B4GALNT3: variants seen among roughly 807,000 people sequenced by gnomAD.
B4GALNT3 encodes the protein beta-1,4-N-acetyl-galactosaminyltransferase 3.
B4GALNT3 carries 86 observed loss-of-function variants against 120.2 expected under a neutral mutation model. The ratio of observed to expected loss-of-function variants is 0.72; its 90% CI spans 0.60 to 0.86. The LOEUF (loss-of-function observed/expected upper bound fraction) is 0.86. Among genes scored for constraint, B4GALNT3 ranks in the 40% least tolerant of loss-of-function variants. The pLI is 0.00. For synonymous variants in B4GALNT3, 518 were observed against 510.4 expected (o/e 1.01, Z -0.20); for missense variants, 1,167 against 1,298.9 (o/e 0.90, Z 1.56).
At chr12:543,169 C>T in intron 3 of B4GALNT3, 5 of 1,289,614 alleles carry the variant, frequency 3.9e-6, no homozygotes, top group Non-Finnish European at 5.1e-6. Flanking sequence ...CAGACCTTGT[C>T]CCCAAGGCCA....
intron 1 of B4GALNT3, among the ~76,000 whole-genome samples, chr12:521,649 G>A (rs767941951): frequency 1.6e-4 from 24 of 152,252 alleles, no homozygotes; most frequent in Middle Eastern, 3.4e-3. Context: ...CCCGGTATGC[G>A]GCTTGCTCAC....
chr12:538,236 CAAAA>C (rs1946880933), intron 3 of B4GALNT3, among the ~76,000 whole-genome samples: 1 of 151,956 alleles, frequency 6.6e-6, no homozygotes, highest in African/African-American at 2.4e-5. Flanking sequence ...TATAATGAAA[CAAAA>C]ACAGTGAACA....
intron 3 of B4GALNT3, among the ~76,000 whole-genome samples, chr12:538,923 G>T (rs1301807202): frequency 2.6e-5 from 4 of 152,214 alleles, no homozygotes; most frequent in Non-Finnish European, 5.9e-5. Context: ...CGTTTATTGA[G>T]CATCTACTAC....
In B4GALNT3 at chr12:460,731, C is replaced by G. The variant is rs1252684689; in HGVS notation, c.169+186C>G. On this transcript the variant is annotated intron_variant, in intron 1 of 19. Transcript: ENST00000266383. This position sits in a 1 kb window ranked among gnomAD's most constrained non-coding sequence, Gnocchi z 8.0. ...GGGCGGGGGAAGCCGCGGGGCCGAG[C>G]GCAGAATTCCCGAGCCCGGGCCTGC... 6.6e-6 allele frequency among the ~76,000 whole-genome samples: 1 copy of G among 152,130 alleles called. No homozygotes were observed. The highest frequency in any genetic ancestry group is 2.4e-5 in the African/African-American group (1 of 41,440).
At chr12:511,292 G>GACCCTCC (rs1946548879) in intron 1 of B4GALNT3, among the ~76,000 whole-genome samples, 1 of 32,212 alleles carries the variant, frequency 3.1e-5, no homozygotes, top group Non-Finnish European at 5.2e-5. Context: ...TTCCACCTTC[G>GACCCTCC]ACCTTCCACC....
At chr12:531,591 A>G (rs147120736) in intron 1 of B4GALNT3, among the ~76,000 whole-genome samples, 238 of 152,298 alleles carry the variant, frequency 1.6e-3, no homozygotes, top group Middle Eastern at 0.01. Flanking sequence ...TCAAGGCTTC[A>G]GTAAGCTATG....
rs1947105924 is a variant in B4GALNT3, at chr12:553,294, G to T, written c.1371G>T (p.Gln457His). 3 of 1,613,582 alleles carry T rather than the reference G, an allele frequency of 1.9e-6. No homozygotes were observed. In the East Asian group the frequency reaches 6.7e-5, roughly 36 times the overall value. Reference sequence around the variant, plus strand: ...ATGCCAGGATGCTTGAGGGAAGACAGACACCTGCCTCCACCCTGGAGCAAG... The same window carrying T: ...ATGCCAGGATGCTTGAGGGAAGACATACACCTGCCTCCACCCTGGAGCAAG... ...NQNARMLEGR[Q>H]TPASTLEQDA... The change falls in exon 14 of 20, where the codon CAG (glutamine) becomes CAT (histidine). Residue 457 changes from glutamine (Q) to histidine (H), a missense_variant. Gln to His is a conservative substitution (Grantham distance 24). Coordinates refer to ENST00000266383, the MANE Select transcript of B4GALNT3 (RefSeq NM_173593.4).
intron 1 of B4GALNT3, among the ~76,000 whole-genome samples, chr12:531,807 A>G (rs1219835536): frequency 6.6e-6 from 1 of 152,196 alleles, no homozygotes; most frequent in Non-Finnish European, 1.5e-5. Flanking sequence ...ACCCCACGCT[A>G]GGTCTGGCCC....
intron 1 of B4GALNT3, among the ~76,000 whole-genome samples, chr12:475,939 C>T (rs375358893): frequency 1.7e-4 from 26 of 152,148 alleles, no homozygotes; most frequent in African/African-American, 3.1e-4. Context: ...TCGCTGTGCC[C>T]GTGTTTCCTC....
chr12:557,102 A>G (rs565459521), intron 15 of B4GALNT3, among the ~76,000 whole-genome samples: 2 of 152,246 alleles, frequency 1.3e-5, no homozygotes. Flanking sequence ...CTTTCGTACT[A>G]GGTTTCAGGA....
chr12:543,046 C>T (rs780242717), intron 3 of B4GALNT3: 4 of 1,202,926 alleles, frequency 3.3e-6, no homozygotes, highest in Non-Finnish European at 3.3e-6. Context: ...GTTCCCTGTC[C>T]TCTCAGCTAT....
intron 1 of B4GALNT3, among the ~76,000 whole-genome samples, chr12:476,344 G>T (rs1192649549): frequency 1.3e-5 from 2 of 152,196 alleles, no homozygotes; most frequent in African/African-American, 4.8e-5. Context: ...AGTGCTTTTA[G>T]AGGTTAGAGG....
intron 1 of B4GALNT3, among the ~76,000 whole-genome samples, chr12:483,622 C>A (rs142291968): frequency 1.3e-5 from 2 of 152,090 alleles, no homozygotes; most frequent in African/African-American, 4.8e-5. Flanking sequence ...CGTTTGAGCC[C>A]GGGAGGCAGA....
In B4GALNT3 at chr12:514,966, C is replaced by G. The variant is rs537783927; in HGVS notation, c.170-20200C>G. ...ATCGCTTGAACCTGGGAGGTGGAGTCGAGATCGCACCACTGCACTTGAGCC... is the reference window on the plus strand; with the variant it reads ...ATCGCTTGAACCTGGGAGGTGGAGTGGAGATCGCACCACTGCACTTGAGCC... On this transcript the variant is annotated intron_variant, in intron 1 of 19. Transcript: ENST00000266383. 1.6e-4 allele frequency among the ~76,000 whole-genome samples: 24 copies of G among 151,942 alleles called. No homozygotes were observed. The South Asian group carries it at 1.9e-3, about 12-fold the overall frequency.
At chr12:533,268 C>G (rs770411211) in intron 1 of B4GALNT3, among the ~76,000 whole-genome samples, 2 of 152,234 alleles carry the variant, frequency 1.3e-5, no homozygotes, top group Admixed American at 1.3e-4. Context: ...AGGGTATAGT[C>G]TGGGAGCATT....
chr12:512,510 CCTTCCACCTTCGACCTT>C (rs1415221431), intron 1 of B4GALNT3, among the ~76,000 whole-genome samples: 4 of 145,574 alleles, frequency 2.7e-5, no homozygotes, highest in African/African-American at 1.0e-4. Flanking sequence ...CTACCTTCTG[CCTTCCACCTTCGACCTT>C]CTTCCACCTT....
chr12:559,482 A>G, intron 19 of B4GALNT3, 61 bp downstream of exon 19: 1 of 1,601,630 alleles, frequency 6.2e-7, no homozygotes, highest in South Asian at 1.1e-5. Flanking sequence ...CCAGGCAGGG[A>G]GCCAGGCTAC....
rs548344229 is a variant in B4GALNT3 at position 560,987 on chromosome 12, G to A, written c.2889-356G>A. On this transcript the variant is annotated intron_variant, in intron 19 of 19. Transcript: ENST00000266383. ...GGGCACTCAGAGTGTGCCAGGAGCC[G>A]TGCTGAGCCCTCAGCATCCATCCTT... 6.0e-4 allele frequency among the ~76,000 whole-genome samples: 92 copies of A among 152,342 alleles called. No homozygotes were observed. In the South Asian group the frequency reaches 6.6e-3, roughly 11 times the overall value.
chr12:535,320 G>T (rs369583933), intron 2 of B4GALNT3, 51 bp downstream of exon 2: 3 of 1,514,458 alleles, frequency 2.0e-6, no homozygotes, highest in East Asian at 4.5e-5. Flanking sequence ...ACAAAGGTCC[G>T]CAGGTGCTCT....
Sources: gnomAD v4.1 joint callset for allele counts (sites outside exome capture counted in the v4.1 genomes callset) on GRCh38, gnomAD v4.1.1 for gene constraint, Gnocchi (gnomAD v3.1) non-coding constraint, MANE v1.5 for transcripts, NCBI Gene and HGNC (gene_info 2026-07-23, HGNC 2026-07-21) for gene names.